SDK1: variants seen among roughly 807,000 people sequenced by gnomAD.
SDK1 encodes the protein sidekick cell adhesion molecule 1.
Under a neutral mutation model 245.5 loss-of-function variants are expected in SDK1, and 157 were observed. The ratio of observed to expected loss-of-function variants is 0.64; its 90% CI spans 0.56 to 0.73. The LOEUF is 0.73. SDK1 is among the 30% of genes least tolerant of loss of function. The probability of loss-of-function intolerance (pLI) is 0.00; values close to 1 mark genes in which losing one functional copy is unlikely to be tolerated. For synonymous variants in SDK1, 1,647 were observed against 1,278.5 expected (o/e 1.29, Z -6.15); for missense variants, 3,583 against 3,002.3 (o/e 1.19, Z -4.52).
At chr7:4,231,400 CAA>C (rs61517219) in intron 40 of SDK1, among the ~76,000 whole-genome samples, 6 of 128,788 alleles carry the variant, frequency 4.7e-5, no homozygotes, top group Non-Finnish European at 5.0e-5. Context: ...CCTGTCACTA[CAA>C]AAAAAAAAAA....
chr7:4,121,929 C>T (rs1052010572), intron 25 of SDK1, among the ~76,000 whole-genome samples: 6 of 152,090 alleles, frequency 3.9e-5, no homozygotes, highest in African/African-American at 7.2e-5. Context: ...TCACGTGTTT[C>T]CATCAAAAAT....
At chr7:3,699,144 C>T (rs890089124) in intron 4 of SDK1, among the ~76,000 whole-genome samples, 1 of 152,120 alleles carries the variant, frequency 6.6e-6, no homozygotes, top group Non-Finnish European at 1.5e-5. Context: ...TCAGAAGAGG[C>T]CTGATAAAAT....
intron 43 of SDK1, among the ~76,000 whole-genome samples, chr7:4,243,028 T>C (rs1786628449): frequency 6.6e-6 from 1 of 152,346 alleles, no homozygotes; most frequent in South Asian, 2.1e-4. Context: ...ACACCTTTCA[T>C]TTCATTTGTC....
intron 4 of SDK1, among the ~76,000 whole-genome samples, chr7:3,758,966 G>C (rs564232957): frequency 6.6e-6 from 1 of 152,302 alleles, no homozygotes; most frequent in South Asian, 2.1e-4. Context: ...GGTTCATTCT[G>C]TTTTCCTCCC....
intron 22 of SDK1, among the ~76,000 whole-genome samples, chr7:4,081,860 G>A (rs1368827399): frequency 6.6e-6 from 1 of 152,060 alleles, no homozygotes; most frequent in Non-Finnish European, 1.5e-5. Context: ...TTTTTTATTG[G>A]CGTATTTTGA....
At chr7:3,595,199 T>C (rs945041023) in intron 1 of SDK1, among the ~76,000 whole-genome samples, 12 of 150,512 alleles carry the variant, frequency 8.0e-5, no homozygotes, top group Non-Finnish European at 1.6e-4. Context: ...ACTGTTTTTT[T>C]CTGCCATATT....
chr7:4,209,165 G>A (rs186910044), intron 37 of SDK1, among the ~76,000 whole-genome samples: 16 of 152,316 alleles, frequency 1.1e-4, no homozygotes, highest in Admixed American at 2.6e-4. Context: ...TCCAGTGCCC[G>A]CATCTGAGCT....
intron 29 of SDK1, among the ~76,000 whole-genome samples, chr7:4,147,559 C>A (rs999382912): frequency 6.6e-6 from 1 of 152,170 alleles, no homozygotes; most frequent in Non-Finnish European, 1.5e-5. Flanking sequence ...TGAGCCCCTG[C>A]CTTTGGTCCT....
intron 5 of SDK1, among the ~76,000 whole-genome samples, chr7:3,870,375 G>A (rs992556779): frequency 2.0e-5 from 3 of 152,102 alleles, no homozygotes; most frequent in African/African-American, 7.2e-5. Context: ...TGGCCATCAG[G>A]AGTAAAAGGA....
chr7:3,799,824 G>A (rs769280139), intron 4 of SDK1, among the ~76,000 whole-genome samples: 8 of 151,932 alleles, frequency 5.3e-5, no homozygotes, highest in Middle Eastern at 3.2e-3. Context: ...GGAACTAGGT[G>A]CTTTTGATTT....
rs530062419 is a variant in SDK1 at position 3,989,045 on chromosome 7, G to A, written c.2131+1723G>A. Among the ~76,000 whole-genome samples the A allele has an allele frequency of 1.8e-4, 28 of 152,280 alleles. No homozygotes were observed. In the South Asian group the frequency reaches 4.8e-3, roughly 26 times the overall value. On this transcript the variant is annotated intron_variant, in intron 14 of 44. Transcript: ENST00000404826. ...GCTGGGATTACAGGCATGAGCCACC[G>A]CGCCTGGCGTCCAGTTTAACCTTTT...
intron 5 of SDK1, among the ~76,000 whole-genome samples, chr7:3,881,538 A>G (rs886344422): frequency 2.0e-5 from 3 of 152,210 alleles, no homozygotes; most frequent in Admixed American, 6.5e-5. Context: ...TGTCTTTGCT[A>G]TTGTGACTAG....
chr7:3,704,365 T>A (rs192311870), intron 4 of SDK1, among the ~76,000 whole-genome samples: 1 of 146,972 alleles, frequency 6.8e-6, no homozygotes, highest in Non-Finnish European at 1.5e-5. Context: ...CAATATCGAT[T>A]TTTTTTTTTT....
rs183702186 is a variant in SDK1 at position 4,206,007 on chromosome 7, C to A, written c.5214+13C>A. 3 of 1,497,826 alleles carry A rather than the reference C, an allele frequency of 2.0e-6. No individual in the cohort carries two copies. Among genetic ancestry groups the A allele is most frequent in the Non-Finnish European group, 2.7e-6 (3 of 1,112,302 alleles). The allele number at this position is 1,497,826 out of a possible 1,614,324, so 92.8% of individuals were successfully genotyped here. On this transcript the variant is annotated intron_variant, in intron 36 of 44. Coordinates refer to ENST00000404826, the MANE Select transcript of SDK1 (RefSeq NM_152744.4). ...CCAAGGCTACAAGGCAAGGCCCTCC[C>A]GTGCGGTTGCCTCCCCTGGCTCGCT... is the stretch of plus-strand genomic sequence containing the variant.
At chr7:3,613,373 C>A (rs1054469670) in intron 1 of SDK1, among the ~76,000 whole-genome samples, 10 of 152,118 alleles carry the variant, frequency 6.6e-5, no homozygotes, top group African/African-American at 1.7e-4. Flanking sequence ...GATCTGAAAA[C>A]CTTAAATGTT....
At chr7:3,859,370 A>G (rs1434711096) in intron 5 of SDK1, among the ~76,000 whole-genome samples, 3 of 152,144 alleles carry the variant, frequency 2.0e-5, no homozygotes, top group African/African-American at 7.2e-5. Flanking sequence ...GTTCTTCCAT[A>G]GTGAAATCCA....
At chr7:3,537,483 C>G (rs574430306) in intron 1 of SDK1, among the ~76,000 whole-genome samples, 1 of 152,312 alleles carries the variant, frequency 6.6e-6, no homozygotes, top group African/African-American at 2.4e-5. Flanking sequence ...GACTGTAAAT[C>G]ACTTTGTCAC....
intron 1 of SDK1, among the ~76,000 whole-genome samples, chr7:3,302,653 C>T (rs1779307991): frequency 6.6e-6 from 1 of 151,296 alleles, no homozygotes; most frequent in Non-Finnish European, 1.5e-5. Flanking sequence ...CGTACCCCTG[C>T]CAGCTAGCAT....
At chr7:3,659,185 T>G (rs1783279882) in intron 4 of SDK1, among the ~76,000 whole-genome samples, 1 of 152,162 alleles carries the variant, frequency 6.6e-6, no homozygotes, top group African/African-American at 2.4e-5. Context: ...TTTGGTGCCT[T>G]TCCTGGACTA....
Sources: allele counts gnomAD v4.1 joint callset (sites outside exome capture counted in the v4.1 genomes callset), GRCh38; gene constraint gnomAD v4.1.1; transcripts MANE v1.5; gene names NCBI Gene and HGNC (gene_info 2026-07-23, HGNC 2026-07-21).